The following SHANK2 variants were observed in gnomAD, a reference collection of about 807,000 sequenced individuals.
SHANK2 encodes the protein SH3 and multiple ankyrin repeat domains 2, also known as SH3 and multiple ankyrin repeat domains protein 2.
SHANK2 carries 43 observed loss-of-function variants against 133.7 expected under a neutral mutation model. The observed-to-expected ratio is 0.32, with a 90% CI of 0.25 to 0.41. SHANK2 has a LOEUF of 0.41. Ranked by LOEUF, SHANK2 falls within the 10% of genes least tolerant of loss-of-function variation. The pLI is 1.00. For missense variants in SHANK2, 1,994 were observed against 2,235.8 expected (o/e 0.89, Z 2.18); for synonymous variants, 1,017 against 952.8 (o/e 1.07, Z -1.24).
At chr11:70,504,601 T>C (rs1460945685) in intron 17 of SHANK2, among the ~76,000 whole-genome samples, 2 of 152,214 alleles carry the variant, frequency 1.3e-5, no homozygotes, top group Non-Finnish European at 2.9e-5. Flanking sequence ...CACCCTGCAC[T>C]GCCCTGAAGA....
At chr11:70,722,108 C>T (rs1444419189) in intron 14 of SHANK2, among the ~76,000 whole-genome samples, 1 of 152,256 alleles carries the variant, frequency 6.6e-6, no homozygotes, top group African/African-American at 2.4e-5. Context: ...CCATCCTCTC[C>T]TCTGTCCTCA....
chr11:71,139,843 C>A (rs146303509), intron 3 of SHANK2, among the ~76,000 whole-genome samples: 278 of 152,352 alleles, frequency 1.8e-3, no homozygotes, highest in Non-Finnish European at 3.2e-3. Context: ...GAGGCTCTCA[C>A]TCAATGACTT....
In SHANK2 at chr11:70,890,562, G is replaced by A. The variant is rs534782741; in HGVS notation, c.1174+5939C>T. ...GGCCTGTAATCCCAGTACTTTGGGA[G>A]GCTGAGGCGGGCGGATCACCTGTGG... On this transcript the variant is annotated intron_variant, in intron 11 of 25. Coordinates refer to ENST00000601538, the MANE Select transcript of SHANK2 (RefSeq NM_012309.5). Among the ~76,000 whole-genome samples, 5 of 152,114 alleles carry A rather than the reference G, an allele frequency of 3.3e-5. No individual in the cohort carries two copies. The East Asian group carries it at 9.7e-4, about 29-fold the overall frequency.
intron 15 of SHANK2, chr11:70,661,929 G>T: frequency 1.1e-6 from 1 of 937,168 alleles, no homozygotes; most frequent in Non-Finnish European, 1.7e-6. Context: ...GAGCCAGCCG[G>T]AGGAAGGAGT....
intron 14 of SHANK2, among the ~76,000 whole-genome samples, chr11:70,724,689 G>A (rs533478522): frequency 6.6e-6 from 1 of 152,374 alleles, no homozygotes; most frequent in South Asian, 2.1e-4. Context: ...ACCACGTCCT[G>A]TGGAGAGCTG....
At chr11:70,533,076 C>T (rs946973797) in intron 17 of SHANK2, among the ~76,000 whole-genome samples, 7 of 152,064 alleles carry the variant, frequency 4.6e-5, no homozygotes, top group Non-Finnish European at 7.4e-5. Flanking sequence ...CAGACGTTGC[C>T]GGAGGCTGGG....
intron 21 of SHANK2, among the ~76,000 whole-genome samples, chr11:70,493,148 C>T (rs1332524019): frequency 2.7e-5 from 4 of 149,854 alleles, no homozygotes; most frequent in Non-Finnish European, 5.9e-5. Flanking sequence ...GTTAACTAAA[C>T]TGACTTTTTG....
intron 17 of SHANK2, among the ~76,000 whole-genome samples, chr11:70,559,047 C>T (rs80042712): frequency 0.023 from 3,483 of 152,262 alleles, 71 homozygotes; most frequent in East Asian, 0.1. Flanking sequence ...AAGATGGAGA[C>T]TCTTTCTGTC....
chr11:70,599,366 G>T (rs1456728413), intron 17 of SHANK2, among the ~76,000 whole-genome samples: 2 of 151,452 alleles, frequency 1.3e-5, no homozygotes, highest in African/African-American at 4.8e-5. Context: ...CCAGCACTTT[G>T]GGAGGCCGAG....
intron 14 of SHANK2, among the ~76,000 whole-genome samples, chr11:70,776,490 C>T (rs571421907): frequency 2.0e-5 from 3 of 152,270 alleles, no homozygotes; most frequent in African/African-American, 7.2e-5. Flanking sequence ...CTGGTATCGC[C>T]AAGAGCCTCA....
intron 17 of SHANK2, among the ~76,000 whole-genome samples, chr11:70,581,026 C>G (rs1458288194): frequency 6.6e-6 from 1 of 152,200 alleles, no homozygotes; most frequent in African/African-American, 2.4e-5. Flanking sequence ...TTCGTCACTG[C>G]GAGGCCTTCT....
At chr11:70,730,826 C>CTTTTTTTTT (rs34081906) in intron 14 of SHANK2, among the ~76,000 whole-genome samples, 2 of 127,390 alleles carry the variant, frequency 1.6e-5, no homozygotes, top group Non-Finnish European at 3.3e-5. Context: ...TTTTTTATTT[C>CTTTTTTTTT]TTTTTTTTTT....
At chr11:71,165,984 C>T (rs997560606) in intron 2 of SHANK2, among the ~76,000 whole-genome samples, 33 of 152,180 alleles carry the variant, frequency 2.2e-4, no homozygotes, top group Admixed American at 3.3e-4. Context: ...CAACCTCCCG[C>T]GTGCTGCACA....
intron 14 of SHANK2, among the ~76,000 whole-genome samples, chr11:70,743,163 G>C (rs955174800): frequency 6.6e-6 from 1 of 152,222 alleles, no homozygotes; most frequent in Non-Finnish European, 1.5e-5. Flanking sequence ...CAGAATGATC[G>C]ATAACAGCAC....
rs201865483 is a variant in SHANK2 at position 70,672,060 on chromosome 11, C to CTTTTTTTTTT, written c.1854-10383_1854-10382insAAAAAAAAAA. Among the ~76,000 whole-genome samples, 17 of 120,914 alleles carry CTTTTTTTTTT rather than the reference C, an allele frequency of 1.4e-4. 3 individuals carry two copies. Among genetic ancestry groups the CTTTTTTTTTT allele is most frequent in the African/African-American group, 2.4e-4 (8 of 33,086 alleles). 79.3% of individuals were successfully genotyped at this position (120,914 alleles called of 152,430 possible). On this transcript the variant is annotated intron_variant, in intron 15 of 25. Coordinates refer to ENST00000601538, the MANE Select transcript of SHANK2 (RefSeq NM_012309.5). ...CAGATCCCCACCATACTTTTCTTTTCTTTTTCTTTTTTTTTTTTTTTTAGA... is the reference window on the plus strand; with the variant it reads ...CAGATCCCCACCATACTTTTCTTTTCTTTTTTTTTTTTTTTCTTTTTTTTTTTTTTTTAGA...
intron 14 of SHANK2, among the ~76,000 whole-genome samples, chr11:70,733,889 C>T (rs1356986174): frequency 6.6e-6 from 1 of 152,138 alleles, no homozygotes; most frequent in African/African-American, 2.4e-5. Flanking sequence ...GGAGGGTGAC[C>T]CCCCAAGCAC....
intron 17 of SHANK2, among the ~76,000 whole-genome samples, chr11:70,522,202 C>T (rs1390163437): frequency 1.3e-5 from 2 of 152,212 alleles, no homozygotes; most frequent in Non-Finnish European, 2.9e-5. Context: ...GCTGTGCAGC[C>T]GCCATCGCCG....
chr11:70,624,906 G>A (rs1190777124), intron 17 of SHANK2, among the ~76,000 whole-genome samples: 1 of 152,178 alleles, frequency 6.6e-6, no homozygotes, highest in African/African-American at 2.4e-5. Context: ...GCCTGCGGGG[G>A]GTGTCCCAAG....
chr11:71,183,335 T>TC (rs1184752576), intron 2 of SHANK2, among the ~76,000 whole-genome samples: 32 of 152,056 alleles, frequency 2.1e-4, no homozygotes, highest in Admixed American at 2.1e-3. Flanking sequence ...AAACTCACTC[T>TC]CCCCCGGGTG....
Sources: allele counts gnomAD v4.1 joint callset (sites outside exome capture counted in the v4.1 genomes callset), GRCh38; gene constraint gnomAD v4.1.1; transcripts MANE v1.5; gene names NCBI Gene and HGNC (gene_info 2026-07-23, HGNC 2026-07-21).